The following ARMH3 variants were observed in gnomAD, a reference collection of about 807,000 sequenced individuals.
ARMH3 encodes the protein armadillo-like helical domain-containing protein 3.
A neutral mutation model predicts 99.1 loss-of-function variants in ARMH3; 60 were observed. The observed-to-expected ratio is 0.61, with a 90% CI of 0.49 to 0.75. The LOEUF is 0.75. ARMH3 is among the 30% of genes least tolerant of loss of function. ARMH3 has a pLI of 0.00. For missense variants in ARMH3, 679 were observed against 843.1 expected (o/e 0.81, Z 2.41); for synonymous variants, 285 against 292.8 (o/e 0.97, Z 0.27).
intron 1 of ARMH3, 66 bp from the exon 2 acceptor site, chr10:102,040,191 T>C (rs1389035352): frequency 5.4e-6 from 7 of 1,302,198 alleles, no homozygotes; most frequent in East Asian, 2.3e-5. Context: ...ATGGCAGATA[T>C]ATGTCATACA....
chr10:101,901,571 T>C lies in ARMH3; in HGVS notation c.1782-12081A>G, dbSNP rs116704887. On this transcript the variant is annotated intron_variant, in intron 23 of 25. Coordinates refer to ENST00000370033, the MANE Select transcript of ARMH3 (RefSeq NM_024541.3). ...CCCACTGTGACAGAGAGCTTCGCCC[T>C]TCTCGTCAGCTCTGAAAAAGCAGGC... Among the ~76,000 whole-genome samples the C allele has an allele frequency of 4.2e-3, 637 of 152,272 alleles. 9 individuals are homozygous for C. Among genetic ancestry groups the C allele is most frequent in the African/African-American group, 0.014 (590 of 41,564 alleles).
At position 101,868,945 on chromosome 10, in the gene ARMH3, G is replaced by A. The variant is rs890247953; in HGVS notation, c.1861-19053C>T. On this transcript the variant is annotated intron_variant, in intron 24 of 25. Coordinates refer to ENST00000370033, the MANE Select transcript of ARMH3 (RefSeq NM_024541.3). ...AAATTAGCCGGGTGTGGTGGCAGGCGCCTGTAATCCCAGCTGCTTGGGAGG... is the reference window on the plus strand; with the variant it reads ...AAATTAGCCGGGTGTGGTGGCAGGCACCTGTAATCCCAGCTGCTTGGGAGG... Among the ~76,000 whole-genome samples, 9 of 151,960 alleles carry A rather than the reference G, an allele frequency of 5.9e-5. No homozygotes were observed. The South Asian group carries it at 6.2e-4, about 11-fold the overall frequency.
At chr10:102,055,118 T>C (rs993519914) in intron 1 of ARMH3, among the ~76,000 whole-genome samples, 17 of 151,368 alleles carry the variant, frequency 1.1e-4, no homozygotes, top group Non-Finnish European at 1.8e-4. Flanking sequence ...GGTTGGGAGT[T>C]CGAGACCAGC....
At chr10:101,886,607 CA>C (rs1190584624) in intron 24 of ARMH3, among the ~76,000 whole-genome samples, 1 of 152,058 alleles carries the variant, frequency 6.6e-6, no homozygotes, top group African/African-American at 2.4e-5. Flanking sequence ...TGACAATTAA[CA>C]AAAAAATGTC....
chr10:101,893,008 G>T (rs189642970), intron 23 of ARMH3, among the ~76,000 whole-genome samples: 297 of 152,322 alleles, frequency 1.9e-3, no homozygotes, highest in Non-Finnish European at 3.2e-3. Flanking sequence ...CCAAGTGGGG[G>T]TCAAACATTT....
Position 101,849,870 on chromosome 10 carries a change from T to C in ARMH3, c.1883A>G (p.Asn628Ser). ...CAGCTTCAGCGTGAGCGTGTCATAG[T>C]TGGCTCTCACCACCTCCAGCACCTG... ...EEQVLEVVRANYDTLTLKLQD... is the reference protein window; with the variant it reads ...EEQVLEVVRASYDTLTLKLQD... The change falls in exon 25 of 26, where the codon AAC (asparagine) becomes AGC (serine). Residue 628 changes from asparagine (N) to serine (S), a missense_variant. Physicochemically the swap from Asn to Ser is conservative, Grantham distance 46. Transcript: ENST00000370033. 6.2e-7 allele frequency: 1 copy of C among 1,614,114 alleles called. No individual in the cohort carries two copies. Among genetic ancestry groups the C allele is most frequent in the East Asian group, 2.2e-5 (1 of 44,880 alleles).
chr10:102,041,374 C>T (rs989418958), intron 1 of ARMH3, among the ~76,000 whole-genome samples: 3 of 151,782 alleles, frequency 2.0e-5, no homozygotes, highest in African/African-American at 7.3e-5. Flanking sequence ...TAATCTCATC[C>T]AATGACAAGT....
chr10:101,914,487 CAAA>C (rs60601721), intron 23 of ARMH3, among the ~76,000 whole-genome samples: 4 of 104,068 alleles, frequency 3.8e-5, no homozygotes, highest in Non-Finnish European at 8.2e-5. Flanking sequence ...GACTCTGTCT[CAAA>C]AAAAAAAAAA....
At chr10:101,862,083 T>C (rs937819255) in intron 24 of ARMH3, among the ~76,000 whole-genome samples, 26 of 150,746 alleles carry the variant, frequency 1.7e-4, no homozygotes, top group African/African-American at 6.1e-4. Flanking sequence ...AGATGTTCTT[T>C]GGCAGAAGGA....
intron 14 of ARMH3, 116 bp downstream of exon 14, chr10:102,006,424 C>A: frequency 8.5e-7 from 1 of 1,176,082 alleles, no homozygotes; most frequent in South Asian, 1.4e-5. Context: ...GTACTACAGA[C>A]CAATTTAGTG....
chr10:102,047,210 C>A (rs1479802250), intron 1 of ARMH3, among the ~76,000 whole-genome samples: 1 of 152,010 alleles, frequency 6.6e-6, no homozygotes, highest in Non-Finnish European at 1.5e-5. Context: ...CTCCCACTAT[C>A]TTTGAGGATT....
chr10:101,986,088 G>A (rs572434450), intron 19 of ARMH3, among the ~76,000 whole-genome samples: 4 of 152,030 alleles, frequency 2.6e-5, no homozygotes, highest in Admixed American at 2.6e-4. Flanking sequence ...GTATGTACTG[G>A]CAGAATGACT....
At chr10:101,972,432 T>C (rs1008518236) in intron 20 of ARMH3, among the ~76,000 whole-genome samples, 6 of 152,192 alleles carry the variant, frequency 3.9e-5, no homozygotes, top group African/African-American at 1.4e-4. Context: ...TTGCAGCACA[T>C]GTATGGCAAA....
intron 19 of ARMH3, among the ~76,000 whole-genome samples, chr10:101,989,481 G>A (rs907497575): frequency 3.3e-5 from 5 of 152,208 alleles, no homozygotes; most frequent in African/African-American, 1.2e-4. Context: ...AGCACACTGG[G>A]AGGCTGAAGT....
chr10:102,042,138 C>A (rs761937309), intron 1 of ARMH3, among the ~76,000 whole-genome samples: 39 of 152,290 alleles, frequency 2.6e-4, no homozygotes, highest in Non-Finnish European at 4.9e-4. Flanking sequence ...TTCAACATGT[C>A]TTTTAAACAT....
intron 23 of ARMH3, among the ~76,000 whole-genome samples, chr10:101,933,133 C>A (rs1474267777): frequency 6.6e-6 from 1 of 152,026 alleles, no homozygotes; most frequent in Non-Finnish European, 1.5e-5. Context: ...TTGCAGTGAG[C>A]GGAGATTGCA....
intron 23 of ARMH3, among the ~76,000 whole-genome samples, chr10:101,934,100 A>G (rs1843844456): frequency 6.6e-6 from 1 of 152,224 alleles, no homozygotes; most frequent in Admixed American, 6.5e-5. Flanking sequence ...TTCCTGTGAC[A>G]TTCAGAATTC....
At chr10:101,956,065 T>C (rs1025364305) in intron 22 of ARMH3, among the ~76,000 whole-genome samples, 21 of 152,188 alleles carry the variant, frequency 1.4e-4, no homozygotes, top group Non-Finnish European at 3.1e-4. Flanking sequence ...TAGGGACACA[T>C]GAATTCTTTC....
intron 19 of ARMH3, among the ~76,000 whole-genome samples, chr10:101,981,087 C>T (rs1846208524): frequency 6.6e-6 from 1 of 151,040 alleles, no homozygotes; most frequent in South Asian, 2.1e-4. Context: ...GGAGGGAACT[C>T]GGAGGATGGG....
Sources: gnomAD v4.1 joint callset for allele counts (sites outside exome capture counted in the v4.1 genomes callset) on GRCh38, gnomAD v4.1.1 for gene constraint, MANE v1.5 for transcripts, NCBI Gene and HGNC (gene_info 2026-07-23, HGNC 2026-07-21) for gene names.